JAZF1: variants seen among roughly 807,000 people sequenced by gnomAD.
JAZF1 encodes the protein JAZF zinc finger 1, also known as juxtaposed with another zinc finger protein 1.
A neutral mutation model predicts 26.4 loss-of-function variants in JAZF1; 8 were observed. That is an observed-to-expected ratio of 0.30 (90% CI 0.18 to 0.55). JAZF1 has a LOEUF of 0.55. JAZF1 is among the 20% of genes least tolerant of loss of function. JAZF1 has a pLI of 0.94. For missense variants in JAZF1, 199 were observed against 322.0 expected (o/e 0.62, Z 2.92); for synonymous variants, 126 against 122.3 (o/e 1.03, Z -0.20).
chr7:28,008,404 C>T (rs1189991009), intron 1 of JAZF1, among the ~76,000 whole-genome samples: 1 of 152,056 alleles, frequency 6.6e-6, no homozygotes, highest in Non-Finnish European at 1.5e-5. Context: ...ATCCTCCCAC[C>T]TTGGCCTCCC....
chr7:28,035,082 C>T (rs893932988), intron 1 of JAZF1, among the ~76,000 whole-genome samples: 2 of 151,712 alleles, frequency 1.3e-5, no homozygotes, highest in Non-Finnish European at 2.9e-5. Context: ...TTTGGGAGTC[C>T]GAGGCAAGTG....
rs747779021 is a variant in JAZF1 at position 27,831,922 on chromosome 7, T to TCA, written c.*876_*877dup. 9 of 218,380 alleles carry TCA rather than the reference T, an allele frequency of 4.1e-5. No individual in the cohort carries two copies. Among genetic ancestry groups the TCA allele is most frequent in the Middle Eastern group, 1.4e-3 (1 of 718 alleles). 13.5% of individuals were successfully genotyped at this position (218,380 alleles called of 1,614,324 possible). On this transcript the variant is annotated 3_prime_UTR_variant, in exon 5 of 5. Transcript: ENST00000283928. ...CTGAAGATGAAGATATAACTAAACT[T>TCA]CACACACACACACTTTGCACTGAAG...
chr7:28,136,670 G>A (rs151326484), intron 1 of JAZF1, among the ~76,000 whole-genome samples: 5 of 152,232 alleles, frequency 3.3e-5, no homozygotes, highest in Non-Finnish European at 5.9e-5. Flanking sequence ...ATGAATAACA[G>A]AGTCTTTGTC....
intron 2 of JAZF1, among the ~76,000 whole-genome samples, chr7:27,924,163 C>G (rs1784576285): frequency 2.0e-5 from 3 of 152,304 alleles, no homozygotes; most frequent in African/African-American, 7.2e-5. Context: ...ACTACAAACT[C>G]TGTCTCCCTT....
chr7:27,837,159 C>T (rs1782830454), intron 4 of JAZF1, among the ~76,000 whole-genome samples: 1 of 152,060 alleles, frequency 6.6e-6, no homozygotes, highest in South Asian at 2.1e-4. Context: ...TGTAACATTT[C>T]TTAAAACAAA....
intron 2 of JAZF1, among the ~76,000 whole-genome samples, chr7:27,956,099 T>G (rs752717921): frequency 1.6e-4 from 24 of 152,180 alleles, no homozygotes; most frequent in Non-Finnish European, 3.1e-4. Flanking sequence ...GATGAAGTAG[T>G]GACAGAGTGT....
In JAZF1 at chr7:28,111,447, T is replaced by C. The variant is rs186056399; in HGVS notation, c.115+69016A>G. ...GTGAGCTTTTTATTGAGGAAGAACA[T>C]GCAATAAAGGATTTTCCTTCAGTTT... On this transcript the variant is annotated intron_variant, in intron 1 of 4. Transcript: ENST00000283928. Among the ~76,000 whole-genome samples the C allele has an allele frequency of 2.1e-4, 32 of 152,360 alleles. No homozygotes were observed. In the East Asian group the frequency reaches 5.4e-3, roughly 26 times the overall value.
intron 1 of JAZF1, among the ~76,000 whole-genome samples, chr7:28,023,826 C>T (rs1167163875): frequency 6.6e-6 from 1 of 152,118 alleles, no homozygotes; most frequent in African/African-American, 2.4e-5. Context: ...GTAAATTAAG[C>T]TACCTTAAGG....
intron 2 of JAZF1, among the ~76,000 whole-genome samples, chr7:27,946,421 C>G (rs1784925008): frequency 1.3e-5 from 2 of 152,108 alleles, no homozygotes; most frequent in African/African-American, 4.8e-5. Context: ...TATTTAGCAC[C>G]AGCTGACAAA....
At chr7:28,074,815 T>C (rs1784026623) in intron 1 of JAZF1, among the ~76,000 whole-genome samples, 1 of 152,212 alleles carries the variant, frequency 6.6e-6, no homozygotes, top group South Asian at 2.1e-4. Flanking sequence ...CACTGCCTCA[T>C]TTTAGGACAA....
chr7:28,148,340 G>C (rs1783058130), intron 1 of JAZF1, among the ~76,000 whole-genome samples: 1 of 152,082 alleles, frequency 6.6e-6, no homozygotes, highest in South Asian at 2.1e-4. Flanking sequence ...CAAAGTGCTG[G>C]GATTATAGGC....
intron 2 of JAZF1, among the ~76,000 whole-genome samples, chr7:27,928,039 T>A (rs1017009374): frequency 1.3e-5 from 2 of 152,236 alleles, no homozygotes; most frequent in Non-Finnish European, 2.9e-5. Context: ...TTTGTATTTA[T>A]TTAATTATAT....
At chr7:28,080,394 A>G (rs1019992173) in intron 1 of JAZF1, among the ~76,000 whole-genome samples, 2 of 152,184 alleles carry the variant, frequency 1.3e-5, no homozygotes, top group Non-Finnish European at 2.9e-5. Flanking sequence ...CTTTCTTATC[A>G]TTCATGTGTT....
Position 27,992,048 on chromosome 7 carries a change from C to T in JAZF1, c.116-67G>A, listed in dbSNP as rs770066609. On this transcript the variant is annotated intron_variant, in intron 1 of 4. Transcript: ENST00000283928. Reference sequence around the variant, plus strand: ...TCAGAATATATGAGGCTACCTAACACAAAGTAACAGAGGCTAAGCAGAGAA... The same window carrying T: ...TCAGAATATATGAGGCTACCTAACATAAAGTAACAGAGGCTAAGCAGAGAA... 5.5e-6 allele frequency: 5 copies of T among 915,718 alleles called. No individual in the cohort carries two copies. In the South Asian group the frequency reaches 6.6e-5, roughly 12 times the overall value. 56.7% of individuals were successfully genotyped at this position (915,718 alleles called of 1,614,324 possible).
chr7:28,155,345 A>T (rs527550323), intron 1 of JAZF1, among the ~76,000 whole-genome samples: 2 of 152,328 alleles, frequency 1.3e-5, no homozygotes, highest in East Asian at 1.9e-4. Context: ...GTTACTGTAC[A>T]CATCAGTCAA....
intron 1 of JAZF1, among the ~76,000 whole-genome samples, chr7:28,040,056 C>T (rs1162110064): frequency 1.3e-5 from 2 of 152,126 alleles, no homozygotes; most frequent in Admixed American, 1.3e-4. Context: ...GACTCCTACA[C>T]ATTAAAAAAT....
intron 1 of JAZF1, among the ~76,000 whole-genome samples, chr7:28,154,197 C>CGAGGT (rs1221142966): frequency 4.6e-5 from 7 of 152,256 alleles, no homozygotes; most frequent in African/African-American, 1.7e-4. Flanking sequence ...ATCTGCAAAG[C>CGAGGT]GCAGATGAGC....
At chr7:28,007,919 C>T (rs1389257230) in intron 1 of JAZF1, among the ~76,000 whole-genome samples, 2 of 152,128 alleles carry the variant, frequency 1.3e-5, no homozygotes, top group African/African-American at 4.8e-5. Flanking sequence ...AAAAGTGCTT[C>T]ATAGAATGCT....
chr7:28,104,137 C>T (rs1784516440), intron 1 of JAZF1, among the ~76,000 whole-genome samples: 1 of 152,162 alleles, frequency 6.6e-6, no homozygotes, highest in South Asian at 2.1e-4. Flanking sequence ...GCCACCTTCC[C>T]ACTTCCTGCA....
Sources: gnomAD v4.1 joint callset for allele counts (sites outside exome capture counted in the v4.1 genomes callset) on GRCh38, gnomAD v4.1.1 for gene constraint, MANE v1.5 for transcripts, NCBI Gene and HGNC (gene_info 2026-07-23, HGNC 2026-07-21) for gene names.